Variants in UXS1 observed in about 807,000 individuals in gnomAD.
UXS1 encodes UDP-glucuronate decarboxylase 1.
UXS1 carries 33 observed loss-of-function variants against 62.6 expected under a neutral mutation model. That is an observed-to-expected ratio of 0.53 (90% CI 0.40 to 0.70). The LOEUF (loss-of-function observed/expected upper bound fraction) is 0.70, where lower values mean the gene tolerates loss of function less well. UXS1 is among the 30% of genes least tolerant of loss of function. The pLI is 0.00. For synonymous variants in UXS1, 213 were observed against 206.8 expected (o/e 1.03, Z -0.26); for missense variants, 434 against 556.3 (o/e 0.78, Z 2.21).
intron 9 of UXS1, among the ~76,000 whole-genome samples, chr2:106,117,596 C>A (rs781223360): frequency 3.3e-5 from 5 of 152,194 alleles, no homozygotes; most frequent in African/African-American, 4.8e-5. Context: ...CAGAGCCCTG[C>A]ATAGTGGGAG....
At chr2:106,143,190 T>A (rs890164038) in intron 6 of UXS1, among the ~76,000 whole-genome samples, 8 of 151,558 alleles carry the variant, frequency 5.3e-5, no homozygotes, top group Non-Finnish European at 7.4e-5. Flanking sequence ...GGGCGGATCA[T>A]GAGGGCAGGA....
At chr2:106,176,422 G>C (rs1043236772) in intron 1 of UXS1, among the ~76,000 whole-genome samples, 1 of 152,218 alleles carries the variant, frequency 6.6e-6, no homozygotes, top group Non-Finnish European at 1.5e-5. Context: ...CAGAAGGTTC[G>C]AATTAGAAGA....
intron 1 of UXS1, among the ~76,000 whole-genome samples, chr2:106,175,128 G>A (rs923257326): frequency 1.1e-4 from 16 of 152,188 alleles, no homozygotes; most frequent in African/African-American, 3.9e-4. Flanking sequence ...AATGAATAGC[G>A]ATTTCCAACC....
At chr2:106,096,687 C>A (rs1354599689) in intron 14 of UXS1, 31 bp downstream of exon 14, 2 of 1,529,108 alleles carry the variant, frequency 1.3e-6, no homozygotes, top group South Asian at 2.5e-5. Flanking sequence ...AGGCCCCTCC[C>A]CACAAGGCAG....
Position 106,194,206 on chromosome 2 carries a change from G to C in UXS1, c.36C>G (p.Ala12=), listed in dbSNP as rs762734921. 3 of 1,472,700 alleles carry C rather than the reference G, an allele frequency of 2.0e-6. No individual in the cohort carries two copies. Among genetic ancestry groups the C allele is most frequent in the Non-Finnish European group, 2.7e-6 (3 of 1,109,758 alleles). The allele number at this position is 1,472,700 out of a possible 1,614,324, so 91.2% of individuals were successfully genotyped here. A position where few individuals can be genotyped will look rare whatever the true frequency, so the allele number is the denominator to read the frequency against. The change falls in exon 1 of 15, where the codon GCC becomes GCG. Residue 12 remains alanine, a synonymous_variant. Transcript: ENST00000283148. ...VSKALLRLVS[A]VNRRRMKLLL... Reference sequence around the variant, plus strand: ...GCAGCTTCATCCTCCTGCGGTTGACGGCAGACACGAGGCGCAGCAGCGCCT... The same window carrying C: ...GCAGCTTCATCCTCCTGCGGTTGACCGCAGACACGAGGCGCAGCAGCGCCT...
chr2:106,107,874 G>A (rs972809555), intron 10 of UXS1, among the ~76,000 whole-genome samples: 1 of 152,208 alleles, frequency 6.6e-6, no homozygotes, highest in Non-Finnish European at 1.5e-5. Flanking sequence ...GTGACAAAAG[G>A]TGCTCAGCAG....
chr2:106,175,844 G>A (rs114335744), intron 1 of UXS1, among the ~76,000 whole-genome samples: 3,069 of 152,276 alleles, frequency 0.02, 42 homozygotes, highest in Admixed American at 0.051. Flanking sequence ...CCAAGCCCAT[G>A]GGTATAAATA....
chr2:106,165,697 G>A (rs1247190009), intron 2 of UXS1, among the ~76,000 whole-genome samples: 4 of 152,104 alleles, frequency 2.6e-5, no homozygotes, highest in East Asian at 1.9e-4. Flanking sequence ...ATGGCTTCCC[G>A]AAGACAGCTC....
intron 6 of UXS1, among the ~76,000 whole-genome samples, chr2:106,130,537 T>C (rs1680361593): frequency 6.6e-6 from 1 of 152,168 alleles, no homozygotes; most frequent in Non-Finnish European, 1.5e-5. Flanking sequence ...AGGAAACACA[T>C]CCACCATCCA....
intron 5 of UXS1, among the ~76,000 whole-genome samples, chr2:106,146,329 T>A (rs3860450): frequency 0.87 from 132,671 of 152,234 alleles, 58,276 homozygotes; most frequent in Non-Finnish European, 0.94. Context: ...AAACGGAAAG[T>A]ATTAATAGGA....
intron 12 of UXS1, among the ~76,000 whole-genome samples, chr2:106,098,989 G>A (rs1558671064): frequency 6.6e-6 from 1 of 152,216 alleles, no homozygotes; most frequent in African/African-American, 2.4e-5. Context: ...TCAGCCTCTA[G>A]GCTGCTGTGT....
At chr2:106,193,927 G>T (rs1232724185) in intron 1 of UXS1, among the ~76,000 whole-genome samples, 1 of 151,820 alleles carries the variant, frequency 6.6e-6, no homozygotes, top group African/African-American at 2.4e-5. Context: ...CTCCGCCCGG[G>T]GTCCGCGCCC....
In UXS1 at chr2:106,174,345, C is replaced by A. The variant is rs114296850; in HGVS notation, c.95-8262G>T. Among the ~76,000 whole-genome samples, 1,469 of 152,296 alleles carry A rather than the reference C, an allele frequency of 9.6e-3. 12 individuals carry two copies. Among genetic ancestry groups the A allele is most frequent in the Non-Finnish European group, 0.016 (1,104 of 68,030 alleles). On this transcript the variant is annotated intron_variant, in intron 1 of 14. Coordinates refer to ENST00000283148, the MANE Select transcript of UXS1 (RefSeq NM_001253875.2). ...GCTGTAGTCTGAGCAAATCTGGAAG[C>A]AGCGGTGTGAGAGACAAATGGACGA...
chr2:106,094,000 A>G lies in UXS1; in HGVS notation c.*26T>C, dbSNP rs565697301. 3.7e-5 allele frequency: 59 copies of G among 1,587,952 alleles called. No homozygotes were observed. In the African/African-American group the frequency reaches 5.9e-4, roughly 16 times the overall value. On this transcript the variant is annotated 3_prime_UTR_variant, in exon 15 of 15. Transcript: ENST00000283148. ...TACATCCCATCAAGTGTACAATGGT[A>G]GTCTTGTGTCCTAAAAGTGAGGAGT...
chr2:106,188,107 G>T (rs1023943693), intron 1 of UXS1, among the ~76,000 whole-genome samples: 2 of 152,002 alleles, frequency 1.3e-5, no homozygotes, highest in Admixed American at 1.3e-4. Flanking sequence ...TAAAACATCA[G>T]AAAATGTCTT....
intron 1 of UXS1, among the ~76,000 whole-genome samples, chr2:106,171,381 A>C (rs1683547641): frequency 6.6e-6 from 1 of 152,230 alleles, no homozygotes; most frequent in African/African-American, 2.4e-5. Flanking sequence ...ACAGTCTTCC[A>C]ATCTGAAGTC....
intron 14 of UXS1, among the ~76,000 whole-genome samples, chr2:106,094,771 C>T (rs1342116005): frequency 6.6e-6 from 1 of 152,212 alleles, no homozygotes; most frequent in Non-Finnish European, 1.5e-5. Flanking sequence ...AGATCAACTG[C>T]TGATTAACAG....
At chr2:106,101,301 T>C in intron 11 of UXS1, 183 bp from the exon 12 acceptor site, 1 of 605,264 alleles carries the variant, frequency 1.7e-6, no homozygotes, top group East Asian at 2.9e-5. Flanking sequence ...GCGAAAGTAT[T>C]TATGGATGAA....
chr2:106,137,930 T>C (rs1003631257), intron 6 of UXS1, among the ~76,000 whole-genome samples: 5 of 152,170 alleles, frequency 3.3e-5, no homozygotes, highest in African/African-American at 1.2e-4. Context: ...ACCTGACTTA[T>C]ACTCACGGGC....
Sources: allele counts gnomAD v4.1 joint callset (sites outside exome capture counted in the v4.1 genomes callset), GRCh38; gene constraint gnomAD v4.1.1; transcripts MANE v1.5; gene names NCBI Gene and HGNC (gene_info 2026-07-23, HGNC 2026-07-21).